Variants in SLC16A9 observed in about 807,000 individuals in gnomAD.
The protein encoded by SLC16A9 is solute carrier family 16 member 9.
Under a neutral mutation model 44.3 loss-of-function variants are expected in SLC16A9, and 26 were observed. That is an observed-to-expected ratio of 0.59 (90% CI 0.43 to 0.81). SLC16A9 has a LOEUF of 0.81. Among genes scored for constraint, SLC16A9 ranks in the 40% least tolerant of loss-of-function variants. The pLI is 0.00. For missense variants in SLC16A9, 559 were observed against 595.8 expected (o/e 0.94, Z 0.64); for synonymous variants, 230 against 225.1 (o/e 1.02, Z -0.19).
chr10:59,706,982 A>T (rs1840652250), intron 1 of SLC16A9, among the ~76,000 whole-genome samples: 1 of 143,624 alleles, frequency 7.0e-6, no homozygotes, highest in East Asian at 2.2e-4. Flanking sequence ...CTCAAAAAAA[A>T]GAGTGAAACT....
chr10:59,707,133 C>G (rs181456535), intron 1 of SLC16A9, among the ~76,000 whole-genome samples: 1 of 148,060 alleles, frequency 6.8e-6, no homozygotes, highest in Admixed American at 6.7e-5. Flanking sequence ...CGCTTGTAGT[C>G]CCAGCTACTC....
At chr10:59,659,158 T>C (rs1271563001) in intron 4 of SLC16A9, among the ~76,000 whole-genome samples, 2 of 152,202 alleles carry the variant, frequency 1.3e-5, no homozygotes, top group African/African-American at 4.8e-5. Context: ...TTAAAAATTA[T>C]ATTTTATATT....
chr10:59,702,971 C>A (rs1239825150), intron 1 of SLC16A9, among the ~76,000 whole-genome samples: 1 of 152,198 alleles, frequency 6.6e-6, no homozygotes, highest in Non-Finnish European at 1.5e-5. Context: ...AAATACCCCT[C>A]ATCCAAGTGG....
intron 1 of SLC16A9, among the ~76,000 whole-genome samples, chr10:59,686,277 C>A (rs921436220): frequency 6.6e-6 from 1 of 152,158 alleles, no homozygotes; most frequent in African/African-American, 2.4e-5. Context: ...TATAATTACA[C>A]TCCTTTTGAA....
intron 4 of SLC16A9, among the ~76,000 whole-genome samples, chr10:59,657,760 T>C (rs1256223576): frequency 6.6e-6 from 1 of 152,170 alleles, no homozygotes; most frequent in Non-Finnish European, 1.5e-5. Context: ...GCCTTACACA[T>C]ACATCCCTTT....
intron 1 of SLC16A9, among the ~76,000 whole-genome samples, chr10:59,686,805 G>A (rs1840144427): frequency 6.6e-6 from 1 of 152,004 alleles, no homozygotes; most frequent in African/African-American, 2.4e-5. Context: ...AAATCAAATG[G>A]TAGATTTATT....
At chr10:59,686,738 A>C (rs1196557859) in intron 1 of SLC16A9, among the ~76,000 whole-genome samples, 1 of 152,208 alleles carries the variant, frequency 6.6e-6, no homozygotes, top group Non-Finnish European at 1.5e-5. Context: ...CTACAGTTAC[A>C]ATTTTTTATC....
chr10:59,681,792 GTATATGTATATGTATATGTA>G (rs1430906645), intron 2 of SLC16A9, among the ~76,000 whole-genome samples: 1 of 38,584 alleles, frequency 2.6e-5, no homozygotes, highest in Non-Finnish European at 5.4e-5. Flanking sequence ...TGATGTATAT[GTATATGTATATGTATATGTA>G]TATATGATGT....
intron 1 of SLC16A9, among the ~76,000 whole-genome samples, chr10:59,704,423 G>A (rs1256322222): frequency 2.0e-5 from 3 of 152,092 alleles, no homozygotes; most frequent in African/African-American, 7.2e-5. Flanking sequence ...GTTGAGAGAC[G>A]TCATGCTAAA....
At chr10:59,676,894 G>C (rs959379043) in intron 2 of SLC16A9, among the ~76,000 whole-genome samples, 1 of 140,832 alleles carries the variant, frequency 7.1e-6, no homozygotes, top group Non-Finnish European at 1.5e-5. Flanking sequence ...CTGTGCTCCA[G>C]CCTGGGCAAT....
At chr10:59,705,938 T>C (rs1157240225) in intron 1 of SLC16A9, among the ~76,000 whole-genome samples, 1 of 152,202 alleles carries the variant, frequency 6.6e-6, no homozygotes, top group Non-Finnish European at 1.5e-5. Flanking sequence ...CCTCCCAGCC[T>C]TATCTGTCTT....
At chr10:59,675,983 C>T (rs569924805) in intron 2 of SLC16A9, among the ~76,000 whole-genome samples, 11 of 152,316 alleles carry the variant, frequency 7.2e-5, no homozygotes, top group African/African-American at 2.6e-4. Context: ...GCCTTGGTCT[C>T]TTTCTCTGCT....
At chr10:59,674,983 G>C (rs1439338371) in intron 2 of SLC16A9, among the ~76,000 whole-genome samples, 1 of 152,128 alleles carries the variant, frequency 6.6e-6, no homozygotes, top group South Asian at 2.1e-4. Context: ...CCTAACAAAT[G>C]ATTTTTTTTG....
chr10:59,700,605 G>A (rs535449704), intron 1 of SLC16A9, among the ~76,000 whole-genome samples: 30 of 152,276 alleles, frequency 2.0e-4, no homozygotes, highest in East Asian at 1.7e-3. Context: ...GCACAGGCAC[G>A]GAGCTTCGCA....
rs1554870852 is a variant in SLC16A9, at chr10:59,678,546, C to CTTCTTTTTTTT, written c.196+5549_196+5550insAAAAAAAAGAA. Among the ~76,000 whole-genome samples the CTTCTTTTTTTT allele has an allele frequency of 1.3e-4, 4 of 30,594 alleles. 1 individual carries two copies. Among genetic ancestry groups the CTTCTTTTTTTT allele is most frequent in the Non-Finnish European group, 2.1e-4 (3 of 14,180 alleles). 20.1% of individuals were successfully genotyped at this position (30,594 alleles called of 152,430 possible). A position where few individuals can be genotyped will look rare whatever the true frequency, so the allele number is the denominator to read the frequency against. On this transcript the variant is annotated intron_variant, in intron 2 of 5. Transcript: ENST00000395348. Reference sequence around the variant, plus strand: ...ATCTTTTTTTTTTCTTTTTCTTTTTCTTTTTTTTGAGACGGAGTCTCGCTC... The same window carrying CTTCTTTTTTTT: ...ATCTTTTTTTTTTCTTTTTCTTTTTCTTCTTTTTTTTTTTTTTTTGAGACGGAGTCTCGCTC...
intron 1 of SLC16A9, among the ~76,000 whole-genome samples, chr10:59,701,233 G>A (rs1840516235): frequency 6.6e-6 from 1 of 152,140 alleles, no homozygotes; most frequent in Non-Finnish European, 1.5e-5. Context: ...CCCCCAAAGA[G>A]TTCTGCAATC....
chr10:59,689,397 C>T lies in SLC16A9; in HGVS notation c.-36-5070G>A, dbSNP rs1840205174. Among the ~76,000 whole-genome samples, 4 of 152,322 alleles carry T rather than the reference C, an allele frequency of 2.6e-5. No individual in the cohort carries two copies. In the South Asian group the frequency reaches 8.3e-4, roughly 32 times the overall value. On this transcript the variant is annotated intron_variant, in intron 1 of 5. Transcript: ENST00000395348. Reference sequence around the variant, plus strand: ...TTGAGGATGTAGATCAGTCCTATGGCTAGAGGGCTTGTGGGACTGTTAATT... The same window carrying T: ...TTGAGGATGTAGATCAGTCCTATGGTTAGAGGGCTTGTGGGACTGTTAATT...
chr10:59,684,433 CAA>C (rs1157089450), intron 1 of SLC16A9, 106 bp from the exon 2 acceptor site: 1 of 510,054 alleles, frequency 2.0e-6, no homozygotes, highest in Non-Finnish European at 3.4e-6. Context: ...AAAGGTTCTC[CAA>C]AGACATACAT....
At chr10:59,664,853 T>C (rs1839572854) in intron 3 of SLC16A9, among the ~76,000 whole-genome samples, 1 of 152,208 alleles carries the variant, frequency 6.6e-6, no homozygotes, top group African/African-American at 2.4e-5. Flanking sequence ...GTGAAATTTG[T>C]ATCTGTAAGT....
Sources: allele counts gnomAD v4.1 joint callset (sites outside exome capture counted in the v4.1 genomes callset), GRCh38; gene constraint gnomAD v4.1.1; transcripts MANE v1.5; gene names NCBI Gene and HGNC (gene_info 2026-07-23, HGNC 2026-07-21).